Variants in LCLAT1 observed in about 807,000 individuals in gnomAD.
LCLAT1 encodes 1-AGP acyltransferase 8.
A neutral mutation model predicts 30.7 loss-of-function variants in LCLAT1; 11 were observed. The observed-to-expected ratio is 0.36, with a 90% CI of 0.23 to 0.59. The LOEUF (loss-of-function observed/expected upper bound fraction) is 0.59. LCLAT1 is among the 20% of genes least tolerant of loss of function. The probability of loss-of-function intolerance (pLI) is 0.77; values close to 1 mark genes in which losing one functional copy is unlikely to be tolerated. For synonymous variants in LCLAT1, 155 were observed against 151.3 expected, an observed-to-expected ratio of 1.02 and a Z score of -0.18; for missense variants, 402 against 458.6, an observed-to-expected ratio of 0.88 and a Z score of 1.13.
chr2:30,544,862 C>T (rs1456574007), intron 3 of LCLAT1, among the ~76,000 whole-genome samples: 1 of 152,164 alleles, frequency 6.6e-6, no homozygotes, highest in Non-Finnish European at 1.5e-5. Flanking sequence ...CTGCTGTAGT[C>T]ATTTTTATCA....
intron 5 of LCLAT1, among the ~76,000 whole-genome samples, chr2:30,587,355 C>G (rs1666491165): frequency 6.6e-6 from 1 of 152,066 alleles, no homozygotes; most frequent in Non-Finnish European, 1.5e-5. Flanking sequence ...CTGCGGGACG[C>G]AACATCTTTC....
rs181547510 is a variant in LCLAT1, at chr2:30,619,445, C to T, written c.629-20672C>T. 2.6e-5 allele frequency among the ~76,000 whole-genome samples: 4 copies of T among 152,308 alleles called. No homozygotes were observed. The East Asian group carries it at 7.7e-4, about 29-fold the overall frequency. On this transcript the variant is annotated intron_variant, in intron 5 of 5. Transcript: ENST00000379509. ...ATAAGGTATCTGCATTCCTTGCCAC[C>T]TTCACTTTCCATCTTATCCCACCAA... is the stretch of plus-strand genomic sequence containing the variant.
At chr2:30,616,166 A>C (rs1009362820) in intron 5 of LCLAT1, among the ~76,000 whole-genome samples, 2 of 152,198 alleles carry the variant, frequency 1.3e-5, no homozygotes, top group Non-Finnish European at 2.9e-5. Context: ...TGCAATGGTA[A>C]GTGAACGGTT....
At chr2:30,460,006 A>G (rs754533112) in intron 1 of LCLAT1, among the ~76,000 whole-genome samples, 1 of 152,224 alleles carries the variant, frequency 6.6e-6, no homozygotes, top group African/African-American at 2.4e-5. Flanking sequence ...TCTTTATTTT[A>G]AAGATTAGGT....
intron 1 of LCLAT1, among the ~76,000 whole-genome samples, chr2:30,455,427 C>T (rs1458897990): frequency 6.6e-6 from 1 of 152,178 alleles, no homozygotes; most frequent in Non-Finnish European, 1.5e-5. Flanking sequence ...CATTATCAGT[C>T]AGCCAAGATC....
At chr2:30,542,560 A>G (rs886491160) in intron 3 of LCLAT1, among the ~76,000 whole-genome samples, 1 of 152,016 alleles carries the variant, frequency 6.6e-6, no homozygotes, top group African/African-American at 2.4e-5. Context: ...GTTCTTTTAA[A>G]TTTTTTTCAA....
chr2:30,608,945 C>CTGTT (rs145818715), intron 5 of LCLAT1, among the ~76,000 whole-genome samples: 2,098 of 152,270 alleles, frequency 0.014, 37 homozygotes, highest in African/African-American at 0.047. Flanking sequence ...ACAAGGGTGC[C>CTGTT]TGTTTCCTCT....
At chr2:30,508,452 C>T (rs760907958) in intron 1 of LCLAT1, among the ~76,000 whole-genome samples, 3 of 151,976 alleles carry the variant, frequency 2.0e-5, no homozygotes, top group East Asian at 3.9e-4. Flanking sequence ...TTTTGTATAT[C>T]GTGTAAGGAA....
chr2:30,503,062 T>C (rs1376049927), intron 1 of LCLAT1, among the ~76,000 whole-genome samples: 2 of 152,326 alleles, frequency 1.3e-5, no homozygotes, highest in Middle Eastern at 6.8e-3. Context: ...AGGGGCAGGT[T>C]ATTTAGAACT....
chr2:30,539,248 CTTT>C (rs72012748), intron 3 of LCLAT1, among the ~76,000 whole-genome samples: 920 of 90,852 alleles, frequency 0.01, 7 homozygotes, highest in Admixed American at 0.016. Context: ...CGCGCCAGGC[CTTT>C]TTTTTTTTTT....
intron 5 of LCLAT1, among the ~76,000 whole-genome samples, chr2:30,600,968 G>T (rs532823683): frequency 4.3e-4 from 65 of 150,358 alleles, no homozygotes; most frequent in African/African-American, 1.2e-3. Context: ...AGTTCTTGGA[G>T]GTTTTGTTCA....
chr2:30,452,692 G>A (rs1462313016), intron 1 of LCLAT1, among the ~76,000 whole-genome samples: 2 of 152,166 alleles, frequency 1.3e-5, no homozygotes, highest in Admixed American at 6.5e-5. Flanking sequence ...AGAAATGGCT[G>A]TGTGGTCTTC....
chr2:30,627,813 A>G (rs574997060), intron 5 of LCLAT1, among the ~76,000 whole-genome samples: 173 of 150,044 alleles, frequency 1.2e-3, no homozygotes, highest in Non-Finnish European at 2.1e-3. Flanking sequence ...CATTCCTAAT[A>G]AACACTAGGA....
chr2:30,605,940 T>C, intron 5 of LCLAT1: 6 of 1,086,672 alleles, frequency 5.5e-6, no homozygotes, highest in Non-Finnish European at 7.1e-6. Context: ...CCTAGATCCC[T>C]CACTTGCACA....
intron 1 of LCLAT1, among the ~76,000 whole-genome samples, chr2:30,457,732 C>T (rs181665588): frequency 1.3e-5 from 2 of 152,246 alleles, no homozygotes; most frequent in Admixed American, 1.3e-4. Flanking sequence ...ACAGTGCCAC[C>T]TTTTTGTTTG....
At chr2:30,599,201 C>CA (rs1220747058) in intron 5 of LCLAT1, among the ~76,000 whole-genome samples, 6 of 152,116 alleles carry the variant, frequency 3.9e-5, no homozygotes, top group African/African-American at 1.4e-4. Context: ...AGGCTGGTCT[C>CA]AAACTCCTGA....
At chr2:30,613,654 CTG>C (rs1667851031) in intron 5 of LCLAT1, among the ~76,000 whole-genome samples, 1 of 129,968 alleles carries the variant, frequency 7.7e-6, no homozygotes, top group Non-Finnish European at 1.6e-5. Context: ...TATTCATCAT[CTG>C]TGGGTGTTTC....
chr2:30,539,876 G>A (rs978020862), intron 3 of LCLAT1, among the ~76,000 whole-genome samples: 7 of 152,178 alleles, frequency 4.6e-5, no homozygotes, highest in Non-Finnish European at 7.3e-5. Flanking sequence ...AGAAAATGGA[G>A]TTTAAGAATG....
chr2:30,532,989 G>A, intron 2 of LCLAT1, 127 bp from the exon 3 acceptor site: 3 of 675,904 alleles, frequency 4.4e-6, no homozygotes, highest in Non-Finnish European at 5.1e-6. Context: ...TATTATAGAA[G>A]CAAGGATCAT....
Sources: gnomAD v4.1 joint callset for allele counts (sites outside exome capture counted in the v4.1 genomes callset) on GRCh38, gnomAD v4.1.1 for gene constraint, MANE v1.5 for transcripts, NCBI Gene and HGNC (gene_info 2026-07-23, HGNC 2026-07-21) for gene names.